Variants in APP observed in about 807,000 individuals in gnomAD.
APP encodes the protein amyloid-beta precursor protein.
Under a neutral mutation model 101.4 loss-of-function variants are expected in APP, and 31 were observed. That is an observed-to-expected ratio of 0.31 (90% CI 0.23 to 0.41). The LOEUF (loss-of-function observed/expected upper bound fraction) is 0.41. Ranked by LOEUF, APP falls within the 10% of genes least tolerant of loss-of-function variation. The pLI is 1.00. For synonymous variants in APP, 366 were observed against 364.4 expected (o/e 1.00, Z -0.05); for missense variants, 839 against 1,003.7 (o/e 0.84, Z 2.22).
Position 25,954,636 on chromosome 21 carries a change from C to G in APP, c.1641G>C (p.Leu547=), listed in dbSNP as rs199860711. The change falls in exon 13 of 18, where the codon CTG becomes CTC. Residue 547 remains leucine (L), a synonymous_variant. Transcript: ENST00000346798. ...IYERMNQSLS[L]LYNVPAVAEE... Reference sequence around the variant, plus strand: ...CGGCCACTGCAGGCACGTTGTAGAGCAGGGAGAGAGACTGATTCATGCGCT... The same window carrying G: ...CGGCCACTGCAGGCACGTTGTAGAGGAGGGAGAGAGACTGATTCATGCGCT... 6.2e-7 allele frequency: 1 copy of G among 1,614,132 alleles called. No homozygotes were observed. Among genetic ancestry groups the G allele is most frequent in the Non-Finnish European group, 8.5e-7 (1 of 1,180,016 alleles).
chr21:26,093,152 C>T (rs1180624260), intron 2 of APP, among the ~76,000 whole-genome samples: 1 of 152,150 alleles, frequency 6.6e-6, no homozygotes, highest in Non-Finnish European at 1.5e-5. Flanking sequence ...TTAATATTCC[C>T]ATGGCTTTTT....
intron 8 of APP, among the ~76,000 whole-genome samples, chr21:25,987,161 C>T (rs1263615221): frequency 6.6e-6 from 1 of 152,142 alleles, no homozygotes; most frequent in Non-Finnish European, 1.5e-5. Context: ...TGTTCCTGCC[C>T]CAAACACTAT....
At chr21:26,027,833 C>G (rs935688601) in intron 5 of APP, among the ~76,000 whole-genome samples, 2 of 128,498 alleles carry the variant, frequency 1.6e-5, no homozygotes, top group African/African-American at 6.5e-5. Context: ...AAGGCATAAG[C>G]CCACCTGGGG....
chr21:26,056,440 T>G (rs1328923423), intron 3 of APP, among the ~76,000 whole-genome samples: 5 of 152,202 alleles, frequency 3.3e-5, no homozygotes, highest in South Asian at 2.1e-4. Context: ...GCTAAGGATG[T>G]TACTCTTACT....
intron 13 of APP, among the ~76,000 whole-genome samples, chr21:25,929,932 A>G (rs1014422165): frequency 2.0e-5 from 3 of 152,036 alleles, no homozygotes; most frequent in Non-Finnish European, 4.4e-5. Flanking sequence ...ACTAAGAGAG[A>G]GCAAGAAGAG....
intron 11 of APP, among the ~76,000 whole-genome samples, chr21:25,973,630 C>G (rs2042115823): frequency 6.6e-6 from 1 of 152,006 alleles, no homozygotes; most frequent in African/African-American, 2.4e-5. Context: ...TTTCAATATC[C>G]CTTGCTCAAT....
intron 1 of APP, among the ~76,000 whole-genome samples, chr21:26,129,306 A>G (rs1295002472): frequency 6.6e-6 from 1 of 152,056 alleles, no homozygotes; most frequent in African/African-American, 2.4e-5. Context: ...CCCCGTCTCT[A>G]CTAAAAATAC....
intron 6 of APP, among the ~76,000 whole-genome samples, chr21:26,010,677 C>T (rs143571861): frequency 1.2e-3 from 175 of 151,738 alleles, no homozygotes; most frequent in Non-Finnish European, 1.4e-3. Context: ...ATATATTAGC[C>T]GGGCGCAGTG....
chr21:26,001,158 C>T (rs1012729990), intron 6 of APP, among the ~76,000 whole-genome samples: 5 of 152,192 alleles, frequency 3.3e-5, no homozygotes, highest in Admixed American at 6.5e-5. Flanking sequence ...ATACACACCA[C>T]GCACTGTTAT....
At chr21:25,990,106 C>T (rs559063076) in intron 8 of APP, among the ~76,000 whole-genome samples, 1 of 134,728 alleles carries the variant, frequency 7.4e-6, no homozygotes, top group African/African-American at 3.1e-5. Flanking sequence ...AAAATAACAA[C>T]AAAAGAAAAA....
chr21:26,030,440 A>G (rs887789340), intron 5 of APP, among the ~76,000 whole-genome samples: 1 of 152,224 alleles, frequency 6.6e-6, no homozygotes, highest in African/African-American at 2.4e-5. Context: ...TAGATTTTAG[A>G]GACATATACT....
intron 1 of APP, among the ~76,000 whole-genome samples, chr21:26,165,263 T>C (rs1370100247): frequency 6.6e-6 from 1 of 152,226 alleles, no homozygotes; most frequent in Non-Finnish European, 1.5e-5. Context: ...ATCATCACCA[T>C]ACATAGCAGC....
chr21:26,166,976 C>T (rs1327381944), intron 1 of APP, among the ~76,000 whole-genome samples: 1 of 149,644 alleles, frequency 6.7e-6, no homozygotes. Flanking sequence ...CTGGTAGAGG[C>T]AGAGAGGAAT....
chr21:26,136,202 AAAAG>A (rs2062912149), intron 1 of APP, among the ~76,000 whole-genome samples: 1 of 100,602 alleles, frequency 9.9e-6, no homozygotes, highest in Non-Finnish European at 2.0e-5. Context: ...AGAAAGAAAG[AAAAG>A]AAAAGAAAGA....
chr21:26,005,186 G>A (rs2043477115), intron 6 of APP, among the ~76,000 whole-genome samples: 1 of 152,050 alleles, frequency 6.6e-6, no homozygotes. Flanking sequence ...GGCCGAGGTG[G>A]GCAGATCACC....
At chr21:25,928,394 C>T (rs1321950001) in intron 13 of APP, among the ~76,000 whole-genome samples, 2 of 151,186 alleles carry the variant, frequency 1.3e-5, no homozygotes, top group African/African-American at 2.4e-5. Flanking sequence ...TTATATACTA[C>T]AGAAATAATC....
intron 1 of APP, among the ~76,000 whole-genome samples, chr21:26,116,725 G>A (rs534722477): frequency 2.0e-5 from 3 of 152,280 alleles, no homozygotes; most frequent in South Asian, 2.1e-4. Context: ...AGTTGCATCC[G>A]TGGATTTATG....
In APP at chr21:25,891,701, C is replaced by CA. The variant is rs770140305; in HGVS notation, c.2211+20dup. 1.3e-5 allele frequency: 21 copies of CA among 1,613,074 alleles called. No individual in the cohort carries two copies. In the South Asian group the frequency reaches 2.2e-4, roughly 17 times the overall value. On this transcript the variant is annotated intron_variant, in intron 17 of 17. Coordinates refer to ENST00000346798, the MANE Select transcript of APP (RefSeq NM_000484.4). The stretch of plus-strand genomic sequence containing the variant: ...CATAGTCTTAATTCCCACTTGGAAA[C>CA]ATGCAGTCAAGTTTACCTACCTCCA...
chr21:25,897,317 T>C (rs748695340), intron 16 of APP, among the ~76,000 whole-genome samples: 23 of 152,284 alleles, frequency 1.5e-4, no homozygotes, highest in Non-Finnish European at 3.2e-4. Context: ...GGTTTCACCA[T>C]ATTGGCCAGG....
Sources: gnomAD v4.1 joint callset for allele counts (sites outside exome capture counted in the v4.1 genomes callset) on GRCh38, gnomAD v4.1.1 for gene constraint, MANE v1.5 for transcripts, NCBI Gene and HGNC (gene_info 2026-07-23, HGNC 2026-07-21) for gene names.